LMO2: variants seen among roughly 807,000 people sequenced by gnomAD.
The protein encoded by LMO2 is rhombotin-2.
A neutral mutation model predicts 23.2 loss-of-function variants in LMO2; 20 were observed. The ratio of observed to expected loss-of-function variants is 0.86; its 90% CI spans 0.61 to 1.25. The LOEUF (loss-of-function observed/expected upper bound fraction) is 1.25, where lower values mean the gene tolerates loss of function less well. LMO2 is among the 50% of genes most tolerant of loss of function. The pLI, the probability that LMO2 is intolerant of heterozygous loss-of-function variation, is 0.00. For missense variants in LMO2, 270 were observed against 315.3 expected (o/e 0.86, Z 1.09); for synonymous variants, 123 against 130.2 (o/e 0.94, Z 0.38).
chr11:33,878,154 G>A (rs1033351377), intron 2 of LMO2, among the ~76,000 whole-genome samples: 2 of 67,658 alleles, frequency 3.0e-5, no homozygotes, highest in Admixed American at 1.6e-4. Flanking sequence ...CTAGCAGGTC[G>A]AGACCAAATT....
intron 4 of LMO2, among the ~76,000 whole-genome samples, chr11:33,865,754 G>A (rs1488629122): frequency 1.3e-5 from 2 of 152,220 alleles, no homozygotes; most frequent in African/African-American, 4.8e-5. Context: ...GCCATGCATA[G>A]CATCTCCTGT....
chr11:33,866,452 T>C (rs893195356), intron 4 of LMO2, among the ~76,000 whole-genome samples: 1 of 152,060 alleles, frequency 6.6e-6, no homozygotes, highest in Non-Finnish European at 1.5e-5. Flanking sequence ...CTGGGCAACG[T>C]GGCAAAATCC....
At chr11:33,874,518 A>G (rs1257456383) in intron 2 of LMO2, among the ~76,000 whole-genome samples, 2 of 152,236 alleles carry the variant, frequency 1.3e-5, no homozygotes, top group African/African-American at 4.8e-5. Context: ...TAGGATATGT[A>G]TAAAAATACT....
chr11:33,863,775 T>C (rs954315795), intron 5 of LMO2, among the ~76,000 whole-genome samples: 5 of 152,252 alleles, frequency 3.3e-5, no homozygotes, highest in African/African-American at 1.2e-4. Flanking sequence ...TTACTTGGTG[T>C]TGTCGAGTTC....
chr11:33,891,705 A>G (rs1857558722), intron 1 of LMO2, 90 bp downstream of exon 1: 1 of 152,210 alleles, frequency 6.6e-6, no homozygotes, highest in Non-Finnish European at 1.5e-5. Context: ...TAAAAGACCA[A>G]TTTAATCACC....
chr11:33,860,862 C>A (rs1339228630), intron 5 of LMO2, among the ~76,000 whole-genome samples: 1 of 152,160 alleles, frequency 6.6e-6, no homozygotes. Flanking sequence ...GGGAGAAGGC[C>A]CAGCAGTCTG....
intron 5 of LMO2, among the ~76,000 whole-genome samples, chr11:33,860,144 G>C (rs1856517006): frequency 6.6e-6 from 1 of 152,212 alleles, no homozygotes; most frequent in African/African-American, 2.4e-5. Context: ...TGGGGCCCCA[G>C]CTGCTGGGAG....
chr11:33,864,773 G>C lies in LMO2; in HGVS notation c.293C>G (p.Thr98Arg). 1 of 1,613,954 alleles carries C rather than the reference G, an allele frequency of 6.2e-7. No individual in the cohort carries two copies. Among genetic ancestry groups the C allele is most frequent in the Non-Finnish European group, 8.5e-7 (1 of 1,180,016 alleles). ...EVLQIPPSLL[T>R]CGGCQQNIGD... ...AATGTTCTGCTGGCAGCCGCCGCATGTCAGCAGGGATGGGGGGATCTGCAG... is the reference window on the plus strand; with the variant it reads ...AATGTTCTGCTGGCAGCCGCCGCATCTCAGCAGGGATGGGGGGATCTGCAG... Residue 98 changes from threonine to arginine, a missense_variant, in exon 5 of 6, where the codon ACA (threonine) becomes AGA (arginine). By Grantham distance (71) the Thr-to-Arg change is moderately conservative. Coordinates refer to ENST00000257818, the MANE Select transcript of LMO2 (RefSeq NM_005574.4). This position sits in a 1 kb window ranked among gnomAD's most constrained non-coding sequence, Gnocchi z 4.8.
At chr11:33,870,068 T>TA in intron 2 of LMO2, 81 bp from the exon 3 acceptor site, 1 of 445,932 alleles carries the variant, frequency 2.2e-6, no homozygotes, top group Non-Finnish European at 2.9e-6. Flanking sequence ...CCTTTTTTCT[T>TA]CCTTTTTTTT....
intron 1 of LMO2, among the ~76,000 whole-genome samples, chr11:33,888,800 C>A (rs55722559): frequency 1.7e-4 from 26 of 152,310 alleles, no homozygotes; most frequent in Non-Finnish European, 2.9e-4. Flanking sequence ...GTTTTGTTGA[C>A]GTCTACGTAT....
At chr11:33,862,309 A>C (rs898191023) in intron 5 of LMO2, among the ~76,000 whole-genome samples, 1 of 152,164 alleles carries the variant, frequency 6.6e-6, no homozygotes, top group Non-Finnish European at 1.5e-5. Flanking sequence ...TTGGGGGTCT[A>C]GTTGGGGCAG....
At chr11:33,869,122 C>G (rs7130137) in intron 4 of LMO2, among the ~76,000 whole-genome samples, 2 of 152,064 alleles carry the variant, frequency 1.3e-5, no homozygotes, top group Non-Finnish European at 2.9e-5. Flanking sequence ...CCCGCAGAGG[C>G]GCCGGGCCGA....
chr11:33,866,416 CTTGAGCCCAGGAGT>C (rs1856784851), intron 4 of LMO2, among the ~76,000 whole-genome samples: 1 of 152,160 alleles, frequency 6.6e-6, no homozygotes, highest in African/African-American at 2.4e-5. Context: ...AGGAGGATCA[CTTGAGCCCAGGAGT>C]TTGAGGCCAG....
intron 2 of LMO2, among the ~76,000 whole-genome samples, chr11:33,877,920 G>T (rs929151695): frequency 1.3e-5 from 2 of 151,366 alleles, no homozygotes; most frequent in Admixed American, 1.3e-4. Flanking sequence ...AGTTTTTGCT[G>T]CTTCCCTTCA....
At chr11:33,865,116 G>T in intron 4 of LMO2, 1 of 454,502 alleles carries the variant, frequency 2.2e-6, no homozygotes, top group Non-Finnish European at 4.1e-6. Context: ...AGCACTACCT[G>T]GGCACCTCTG....
At chr11:33,890,943 G>A (rs1565039922) in intron 1 of LMO2, among the ~76,000 whole-genome samples, 1 of 152,184 alleles carries the variant, frequency 6.6e-6, no homozygotes. Context: ...CTTCACAGAA[G>A]ATTCACCTTT....
At chr11:33,882,149 G>A (rs1271489558) in intron 1 of LMO2, among the ~76,000 whole-genome samples, 1 of 152,102 alleles carries the variant, frequency 6.6e-6, no homozygotes, top group African/African-American at 2.4e-5. Flanking sequence ...GCTTCCTGCC[G>A]ACTTCTTTTT....
chr11:33,876,612 C>T (rs1359429649), intron 2 of LMO2, among the ~76,000 whole-genome samples: 1 of 152,184 alleles, frequency 6.6e-6, no homozygotes, highest in Non-Finnish European at 1.5e-5. Flanking sequence ...AGAGATCAGG[C>T]TCTTGGCTCC....
Position 33,869,707 on chromosome 11 carries a change from A to T in LMO2, c.7+3T>A. On this transcript the variant is annotated splice_donor_region_variant and intron_variant, in intron 3 of 5. Transcript: ENST00000257818. ...CAGCTGCTGCTGCTGCTCAGGACTTAACCTTCCATCCCGGTCCCGCCGCCG... is the reference window on the plus strand; with the variant it reads ...CAGCTGCTGCTGCTGCTCAGGACTTTACCTTCCATCCCGGTCCCGCCGCCG... The T allele has an allele frequency of 7.8e-7, 1 of 1,287,830 alleles. No individual in the cohort carries two copies. The highest frequency in any genetic ancestry group is 2.0e-5 in the South Asian group (1 of 50,630). The allele number at this position is 1,287,830 out of a possible 1,614,324, so 79.8% of individuals were successfully genotyped here.
Sources: gnomAD v4.1 joint callset for allele counts (sites outside exome capture counted in the v4.1 genomes callset) on GRCh38, gnomAD v4.1.1 for gene constraint, Gnocchi (gnomAD v3.1) non-coding constraint, MANE v1.5 for transcripts, NCBI Gene and HGNC (gene_info 2026-07-23, HGNC 2026-07-21) for gene names.